FHIT: variants seen among roughly 807,000 people sequenced by gnomAD.
FHIT encodes bis(5'-adenosyl)-triphosphatase.
In FHIT, 19 loss-of-function variants were observed where a neutral mutation model predicts 17.9. That is an observed-to-expected ratio of 1.06 (90% CI 0.74 to 1.56). The LOEUF (loss-of-function observed/expected upper bound fraction) is 1.56. FHIT is among the 40% of genes most tolerant of loss of function. The pLI is 0.00. For missense variants in FHIT, 248 were observed against 189.2 expected, an observed-to-expected ratio of 1.31 and a Z score of -1.82; for synonymous variants, 81 against 69.7, an observed-to-expected ratio of 1.16 and a Z score of -0.81.
At chr3:60,594,470 A>G (rs1369349577) in intron 4 of FHIT, among the ~76,000 whole-genome samples, 2 of 152,076 alleles carry the variant, frequency 1.3e-5, no homozygotes, top group Non-Finnish European at 2.9e-5. Flanking sequence ...AACTTCCCCA[A>G]GTGTTGCCCC....
At chr3:61,011,873 A>G (rs964437686) in intron 3 of FHIT, among the ~76,000 whole-genome samples, 2 of 152,200 alleles carry the variant, frequency 1.3e-5, no homozygotes, top group African/African-American at 4.8e-5. Flanking sequence ...CAGCCAATCT[A>G]TTTCAGACTG....
chr3:60,294,151 T>C (rs1254851104), intron 5 of FHIT, among the ~76,000 whole-genome samples: 3 of 152,132 alleles, frequency 2.0e-5, no homozygotes, highest in East Asian at 1.9e-4. Flanking sequence ...GGAGTGAATA[T>C]GGGGTCATAG....
At chr3:60,003,901 AG>A (rs1699824029) in intron 7 of FHIT, among the ~76,000 whole-genome samples, 2 of 151,222 alleles carry the variant, frequency 1.3e-5, no homozygotes, top group Non-Finnish European at 2.9e-5. Flanking sequence ...TGGCCAGCCA[AG>A]TATTTGGATA....
At position 60,085,886 on chromosome 3, in the gene FHIT, G is replaced by A. The variant is rs571832566; in HGVS notation, c.104-71734C>T. Reference sequence around the variant, plus strand: ...CTCACACACAGTCAGTGTCATTTAAGGTGGCTCCTCCTGTGAGATTTTGCA... The same window carrying A: ...CTCACACACAGTCAGTGTCATTTAAAGTGGCTCCTCCTGTGAGATTTTGCA... On this transcript the variant is annotated intron_variant, in intron 5 of 9. Transcript: ENST00000492590. Among the ~76,000 whole-genome samples, 5 of 152,302 alleles carry A rather than the reference G, an allele frequency of 3.3e-5. No homozygotes were observed. In the South Asian group the frequency reaches 1.0e-3, roughly 32 times the overall value.
At chr3:60,482,755 C>T (rs1219716437) in intron 5 of FHIT, among the ~76,000 whole-genome samples, 1 of 151,644 alleles carries the variant, frequency 6.6e-6, no homozygotes, top group Non-Finnish European at 1.5e-5. Context: ...ACCCTAACAT[C>T]ACAATTAAAA....
At chr3:59,920,328 T>A (rs17301106) in intron 8 of FHIT, among the ~76,000 whole-genome samples, 35,080 of 152,146 alleles carry the variant, frequency 0.23, 4,260 homozygotes, top group Non-Finnish European at 0.26. Context: ...CTATACTACA[T>A]ATGACTTATA....
chr3:60,083,301 G>A (rs550723725), intron 5 of FHIT, among the ~76,000 whole-genome samples: 2 of 152,150 alleles, frequency 1.3e-5, no homozygotes, highest in African/African-American at 4.8e-5. Flanking sequence ...TTTTTATTCT[G>A]TTCCATTGGT....
At chr3:60,114,052 T>C (rs1375853825) in intron 5 of FHIT, among the ~76,000 whole-genome samples, 1 of 84,198 alleles carries the variant, frequency 1.2e-5, no homozygotes, top group Non-Finnish European at 2.1e-5. Flanking sequence ...TATATATATA[T>C]ATATATATAT....
At chr3:61,077,127 T>C (rs1464797897) in intron 2 of FHIT, among the ~76,000 whole-genome samples, 1 of 152,092 alleles carries the variant, frequency 6.6e-6, no homozygotes, top group African/African-American at 2.4e-5. Flanking sequence ...AAACATTTGT[T>C]TGATGGAAGG....
At chr3:60,674,012 C>T (rs2040567326) in intron 4 of FHIT, among the ~76,000 whole-genome samples, 1 of 149,106 alleles carries the variant, frequency 6.7e-6, no homozygotes, top group Non-Finnish European at 1.5e-5. Flanking sequence ...TTCTCTCTAT[C>T]CTCATTTCTG....
At chr3:60,251,898 G>A (rs934086049) in intron 5 of FHIT, among the ~76,000 whole-genome samples, 5 of 152,050 alleles carry the variant, frequency 3.3e-5, no homozygotes, top group South Asian at 4.1e-4. Context: ...ATAATAACAC[G>A]AGGCATGTAA....
At chr3:59,894,581 C>A (rs931089272) in intron 8 of FHIT, among the ~76,000 whole-genome samples, 1 of 152,148 alleles carries the variant, frequency 6.6e-6, no homozygotes, top group African/African-American at 2.4e-5. Flanking sequence ...CAAATCTACA[C>A]AGTTCTTTAT....
At chr3:60,854,590 G>C (rs955594223) in intron 3 of FHIT, among the ~76,000 whole-genome samples, 2 of 144,146 alleles carry the variant, frequency 1.4e-5, no homozygotes, top group African/African-American at 5.2e-5. Context: ...GTCCTTCAGT[G>C]AGGCTTTCAC....
chr3:61,056,875 C>T (rs997225751), intron 2 of FHIT, among the ~76,000 whole-genome samples: 4 of 152,168 alleles, frequency 2.6e-5, no homozygotes, highest in African/African-American at 9.7e-5. Context: ...TTTATGTTTG[C>T]ATTTATAATT....
At chr3:60,229,290 A>G (rs893125222) in intron 5 of FHIT, among the ~76,000 whole-genome samples, 1 of 152,000 alleles carries the variant, frequency 6.6e-6, no homozygotes, top group Non-Finnish European at 1.5e-5. Context: ...GGTGGTGAGC[A>G]TCTGCAATCC....
intron 2 of FHIT, among the ~76,000 whole-genome samples, chr3:61,091,936 TAAAAAA>T (rs58005720): frequency 1.6e-5 from 1 of 61,276 alleles, no homozygotes; most frequent in Non-Finnish European, 2.8e-5. Context: ...AGACCTTGTC[TAAAAAA>T]AAAAAAAAAA....
At chr3:60,697,925 T>A (rs2041151410) in intron 4 of FHIT, among the ~76,000 whole-genome samples, 1 of 152,228 alleles carries the variant, frequency 6.6e-6, no homozygotes, top group Non-Finnish European at 1.5e-5. Context: ...GTCGTTTTTA[T>A]GTGCATTTGT....
intron 7 of FHIT, among the ~76,000 whole-genome samples, chr3:59,935,278 G>A (rs1706178406): frequency 6.6e-6 from 1 of 152,174 alleles, no homozygotes; most frequent in Non-Finnish European, 1.5e-5. Flanking sequence ...GTGCTTCTCA[G>A]CTGTTGTTGT....
At chr3:59,988,960 T>A (rs571711265) in intron 7 of FHIT, among the ~76,000 whole-genome samples, 2 of 152,200 alleles carry the variant, frequency 1.3e-5, no homozygotes, top group South Asian at 4.2e-4. Flanking sequence ...TTCAGCTCAA[T>A]GAATACAAAT....
Sources: allele counts gnomAD v4.1 joint callset (sites outside exome capture counted in the v4.1 genomes callset), GRCh38; gene constraint gnomAD v4.1.1; transcripts MANE v1.5; gene names NCBI Gene and HGNC (gene_info 2026-07-23, HGNC 2026-07-21).